Variants in SCD5 observed in about 807,000 individuals in gnomAD.
SCD5 encodes acyl-CoA-desaturase 4.
A neutral mutation model predicts 30.4 loss-of-function variants in SCD5; 20 were observed. The observed-to-expected ratio is 0.66, with a 90% CI of 0.46 to 0.96. The LOEUF (loss-of-function observed/expected upper bound fraction) is 0.96. SCD5 is among the 40% of genes least tolerant of loss of function. The probability of loss-of-function intolerance (pLI) is 0.00; values close to 1 mark genes in which losing one functional copy is unlikely to be tolerated. For synonymous variants in SCD5, 173 were observed against 176.4 expected, an observed-to-expected ratio of 0.98 and a Z score of 0.16; for missense variants, 381 against 443.3, an observed-to-expected ratio of 0.86 and a Z score of 1.26.
chr4:82,649,269 T>TA (rs1727696683), intron 3 of SCD5, among the ~76,000 whole-genome samples: 2 of 151,010 alleles, frequency 1.3e-5, no homozygotes, highest in South Asian at 2.1e-4. Context: ...AGTACTGTAA[T>TA]AAAAAAATCC....
chr4:82,756,861 G>T (rs1721245717), intron 1 of SCD5, among the ~76,000 whole-genome samples: 1 of 152,050 alleles, frequency 6.6e-6, no homozygotes, highest in African/African-American at 2.4e-5. Flanking sequence ...ATCAAGACAT[G>T]AAACCAAACT....
At chr4:82,664,999 C>CTCTCTCTCTCTCTATA (rs1219554314) in intron 3 of SCD5, among the ~76,000 whole-genome samples, 83 of 70,466 alleles carry the variant, frequency 1.2e-3, no homozygotes, top group Non-Finnish European at 1.5e-3. Flanking sequence ...CTCTCTCTCT[C>CTCTCTCTCTCTCTATA]TATATATATA....
intron 2 of SCD5, among the ~76,000 whole-genome samples, chr4:82,697,575 G>A (rs1403447402): frequency 6.6e-6 from 1 of 152,048 alleles, no homozygotes; most frequent in East Asian, 1.9e-4. Flanking sequence ...TACTTTCACT[G>A]ACCTAGATCC....
chr4:82,631,153 G>T lies in SCD5; in HGVS notation c.*174C>A. Reference sequence around the variant, plus strand: ...AAAAAAAAACGAAAGTTTTTTCATTGATAATTGTATTTCAACATTATTTTG... The same window carrying T: ...AAAAAAAAACGAAAGTTTTTTCATTTATAATTGTATTTCAACATTATTTTG... On this transcript the variant is annotated 3_prime_UTR_variant, in exon 5 of 5. Transcript: ENST00000319540. The T allele has an allele frequency of 2.0e-6, 1 of 510,730 alleles. No individual in the cohort carries two copies. 31.6% of individuals were successfully genotyped at this position (510,730 alleles called of 1,614,324 possible).
chr4:82,777,063 T>C (rs991160984), intron 1 of SCD5, among the ~76,000 whole-genome samples: 2 of 152,260 alleles, frequency 1.3e-5, no homozygotes, highest in African/African-American at 2.4e-5. Flanking sequence ...GGCAGAAAAC[T>C]GGATGGATGA....
intron 1 of SCD5, among the ~76,000 whole-genome samples, chr4:82,794,711 G>A (rs1381429862): frequency 1.3e-5 from 2 of 150,874 alleles, no homozygotes; most frequent in African/African-American, 2.4e-5. Context: ...GTGCAGTGGC[G>A]CAATCTCGGC....
intron 1 of SCD5, among the ~76,000 whole-genome samples, chr4:82,730,941 C>T (rs17006191): frequency 0.11 from 17,407 of 152,172 alleles, 1,217 homozygotes; most frequent in East Asian, 0.2. Context: ...ACTGCTTCTT[C>T]CAGGGAAGTC....
At chr4:82,645,921 C>G (rs1273011332) in intron 3 of SCD5, among the ~76,000 whole-genome samples, 1 of 152,194 alleles carries the variant, frequency 6.6e-6, no homozygotes, top group Non-Finnish European at 1.5e-5. Flanking sequence ...AAAGAAATCA[C>G]CGTTCTCTGT....
At chr4:82,723,259 T>G (rs1322985530) in intron 1 of SCD5, among the ~76,000 whole-genome samples, 2 of 152,102 alleles carry the variant, frequency 1.3e-5, no homozygotes, top group Admixed American at 6.6e-5. Context: ...GTTTGTGACG[T>G]TTATTTATTT....
intron 1 of SCD5, among the ~76,000 whole-genome samples, chr4:82,726,012 C>T (rs541283803): frequency 6.6e-6 from 1 of 152,320 alleles, no homozygotes; most frequent in African/African-American, 2.4e-5. Context: ...CACTGACAGG[C>T]CTCAGAGGCC....
At chr4:82,670,206 A>G (rs746107934) in intron 3 of SCD5, among the ~76,000 whole-genome samples, 13 of 152,332 alleles carry the variant, frequency 8.5e-5, no homozygotes, top group Non-Finnish European at 1.6e-4. Flanking sequence ...GGACCTTGGA[A>G]TTGTCACACA....
At chr4:82,793,382 T>C (rs1722139380) in intron 1 of SCD5, among the ~76,000 whole-genome samples, 1 of 152,096 alleles carries the variant, frequency 6.6e-6, no homozygotes, top group Non-Finnish European at 1.5e-5. Context: ...ACAATGATCT[T>C]TTGGAGGAAA....
At chr4:82,675,112 A>C (rs1410406152) in intron 3 of SCD5, among the ~76,000 whole-genome samples, 1 of 152,148 alleles carries the variant, frequency 6.6e-6, no homozygotes, top group Non-Finnish European at 1.5e-5. Context: ...ATCCTGATGG[A>C]AACTATGGAC....
intron 1 of SCD5, among the ~76,000 whole-genome samples, chr4:82,774,378 A>G (rs912443559): frequency 6.6e-6 from 1 of 152,190 alleles, no homozygotes; most frequent in Non-Finnish European, 1.5e-5. Flanking sequence ...AGCTAACAAA[A>G]CAAGGTTATA....
At chr4:82,679,910 A>T (rs777151725) in intron 3 of SCD5, among the ~76,000 whole-genome samples, 1 of 152,162 alleles carries the variant, frequency 6.6e-6, no homozygotes, top group Non-Finnish European at 1.5e-5. Context: ...GGTCACTAGT[A>T]ACCACTTATT....
intron 3 of SCD5, among the ~76,000 whole-genome samples, chr4:82,650,988 A>G (rs904700723): frequency 6.6e-6 from 1 of 152,212 alleles, no homozygotes; most frequent in Non-Finnish European, 1.5e-5. Context: ...AAAAATATTT[A>G]GTGTGAAGAA....
Position 82,753,132 on chromosome 4 carries a change from AAG to A in SCD5, c.232+45172_232+45173del, listed in dbSNP as rs1182215664. 8.1e-3 allele frequency among the ~76,000 whole-genome samples: 1,233 copies of A among 152,252 alleles called. 12 individuals are homozygous for A. The highest frequency in any genetic ancestry group is 9.9e-3 in the Non-Finnish European group (676 of 68,010). On this transcript the variant is annotated intron_variant, in intron 1 of 4. Transcript: ENST00000319540. ...ACAGGACTGGAGTCTGCATTTTAGC[AAG>A]ATCCTATGTGATTCCTGTGCACATT...
At chr4:82,661,806 C>A (rs943595519) in intron 3 of SCD5, among the ~76,000 whole-genome samples, 1 of 152,154 alleles carries the variant, frequency 6.6e-6, no homozygotes, top group Non-Finnish European at 1.5e-5. Flanking sequence ...AGTCATATGT[C>A]CTAGCGCAGA....
rs115774797 is a variant in SCD5 at position 82,743,014 on chromosome 4, G to C, written c.233-37601C>G. ...AAGGAGAGAAAGACGCGTAGACAGA[G>C]AGAAGCTACAGAGAGGCTCCCACCT... On this transcript the variant is annotated intron_variant, in intron 1 of 4. Coordinates refer to ENST00000319540, the MANE Select transcript of SCD5 (RefSeq NM_001037582.3). Among the ~76,000 whole-genome samples, 985 of 152,332 alleles carry C rather than the reference G, an allele frequency of 6.5e-3. 8 individuals carry two copies. Among genetic ancestry groups the C allele is most frequent in the African/African-American group, 0.023 (939 of 41,562 alleles).
Sources: allele counts gnomAD v4.1 joint callset (sites outside exome capture counted in the v4.1 genomes callset), GRCh38; gene constraint gnomAD v4.1.1; transcripts MANE v1.5; gene names NCBI Gene and HGNC (gene_info 2026-07-23, HGNC 2026-07-21).